Variants in SLC2A13 observed in about 807,000 individuals in gnomAD.
The protein encoded by SLC2A13 is proton myo-inositol cotransporter.
In SLC2A13, 32 loss-of-function variants were observed where a neutral mutation model predicts 64.4. The observed-to-expected ratio is 0.50, with a 90% confidence interval of 0.37 to 0.67. The LOEUF is 0.67. Ranked by LOEUF, SLC2A13 falls within the 30% of genes least tolerant of loss-of-function variation. The pLI is 0.00. For missense variants in SLC2A13, 743 were observed against 829.2 expected (o/e 0.90, Z 1.28); for synonymous variants, 338 against 327.1 (o/e 1.03, Z -0.36).
intron 7 of SLC2A13, among the ~76,000 whole-genome samples, chr12:39,807,389 C>A (rs1418840308): frequency 2.0e-5 from 3 of 152,156 alleles, no homozygotes; most frequent in African/African-American, 7.2e-5. Context: ...GAAACAATAT[C>A]AATCTCCTGG....
Position 39,992,668 on chromosome 12 carries a change from T to C in SLC2A13, c.925+35633A>G, listed in dbSNP as rs563977771. On this transcript the variant is annotated intron_variant, in intron 3 of 9. Coordinates refer to ENST00000280871, the MANE Select transcript of SLC2A13 (RefSeq NM_052885.4). ...CCCAAAAAGCTCAACAAGCTTGGAG[T>C]ACTCATATTTACTAACATATATGTT... 1.4e-3 allele frequency among the ~76,000 whole-genome samples: 212 copies of C among 152,108 alleles called. 3 individuals carry two copies. The highest frequency in any genetic ancestry group is 4.6e-4 in the Non-Finnish European group (31 of 67,996).
At chr12:40,034,140 G>T (rs1377515986) in intron 2 of SLC2A13, among the ~76,000 whole-genome samples, 2 of 152,152 alleles carry the variant, frequency 1.3e-5, no homozygotes, top group Admixed American at 1.3e-4. Flanking sequence ...ACACTACATT[G>T]TATTTTTTAA....
chr12:40,099,098 T>C (rs771131189), intron 1 of SLC2A13, among the ~76,000 whole-genome samples: 6 of 152,222 alleles, frequency 3.9e-5, no homozygotes, highest in South Asian at 4.1e-4. Context: ...CTAGAAAGCA[T>C]GTAGTACTCT....
At chr12:39,813,286 T>C (rs1942245703) in intron 7 of SLC2A13, among the ~76,000 whole-genome samples, 1 of 152,140 alleles carries the variant, frequency 6.6e-6, no homozygotes, top group Non-Finnish European at 1.5e-5. Flanking sequence ...GCATTTATTT[T>C]GACATACATC....
intron 4 of SLC2A13, among the ~76,000 whole-genome samples, chr12:39,896,416 GTATA>G (rs1340991107): frequency 6.9e-5 from 8 of 115,500 alleles, no homozygotes; most frequent in African/African-American, 2.9e-4. Flanking sequence ...ATATATGTAT[GTATA>G]TGTGTATATA....
chr12:39,895,916 G>GCACA (rs1255111957), intron 4 of SLC2A13, among the ~76,000 whole-genome samples: 30 of 148,738 alleles, frequency 2.0e-4, no homozygotes, highest in African/African-American at 7.1e-4. Context: ...GTATATGTAT[G>GCACA]CATATATGTG....
At chr12:39,883,080 A>G (rs1446604315) in intron 4 of SLC2A13, among the ~76,000 whole-genome samples, 1 of 152,156 alleles carries the variant, frequency 6.6e-6, no homozygotes, top group African/African-American at 2.4e-5. Context: ...TATAATTCAC[A>G]TACCATAAAA....
At chr12:39,909,681 T>A (rs1565537335) in intron 4 of SLC2A13, among the ~76,000 whole-genome samples, 1 of 152,090 alleles carries the variant, frequency 6.6e-6, no homozygotes. Flanking sequence ...ATCTGATTTT[T>A]AATTTCAGCC....
chr12:39,878,304 A>G (rs558612765), intron 4 of SLC2A13, among the ~76,000 whole-genome samples: 5 of 152,338 alleles, frequency 3.3e-5, no homozygotes, highest in African/African-American at 9.6e-5. Context: ...AGAGGTTGGA[A>G]GAATTTGGAG....
At chr12:39,904,936 C>T (rs1945226288) in intron 4 of SLC2A13, among the ~76,000 whole-genome samples, 3 of 152,096 alleles carry the variant, frequency 2.0e-5, no homozygotes, top group Admixed American at 1.3e-4. Flanking sequence ...ACACATAAGG[C>T]ATGCCACTTT....
At chr12:40,089,193 TTTA>T (rs1938683552) in intron 1 of SLC2A13, among the ~76,000 whole-genome samples, 1 of 152,178 alleles carries the variant, frequency 6.6e-6, no homozygotes, top group Admixed American at 6.5e-5. Context: ...ATCTCCGTAC[TTTA>T]TAAACTCTCT....
At chr12:39,957,957 A>T (rs1946345699) in intron 3 of SLC2A13, among the ~76,000 whole-genome samples, 1 of 152,178 alleles carries the variant, frequency 6.6e-6, no homozygotes, top group Admixed American at 6.5e-5. Flanking sequence ...AAGTGCTCTA[A>T]CAGAGGTACA....
chr12:39,992,821 C>T (rs925432477), intron 3 of SLC2A13, among the ~76,000 whole-genome samples: 1 of 152,066 alleles, frequency 6.6e-6, no homozygotes, highest in African/African-American at 2.4e-5. Context: ...ATTGTAGCTT[C>T]TATTTTCCAA....
intron 7 of SLC2A13, among the ~76,000 whole-genome samples, chr12:39,812,379 TTTCTTTCTTTCTC>T (rs764703104): frequency 0.085 from 11,721 of 137,090 alleles, 564 homozygotes; most frequent in Middle Eastern, 0.12. Context: ...TTTCTTTTCT[TTTCTTTCTTTCTC>T]TCTCTCTTTC....
rs74089316 is a variant in SLC2A13, at chr12:39,922,655, G to A, written c.1034+28602C>T. ...TACAATACAATGACTTTTTGTGTGTGTATGGGGGTTTTTCCTTAAGTTAGC... is the reference window on the plus strand; with the variant it reads ...TACAATACAATGACTTTTTGTGTGTATATGGGGGTTTTTCCTTAAGTTAGC... On this transcript the variant is annotated intron_variant, in intron 4 of 9. Transcript: ENST00000280871. Among the ~76,000 whole-genome samples, 818 of 152,324 alleles carry A rather than the reference G, an allele frequency of 5.4e-3. 6 individuals are homozygous for A. Among genetic ancestry groups the A allele is most frequent in the African/African-American group, 0.019 (789 of 41,578 alleles).
At chr12:39,884,932 C>A (rs1257615503) in intron 4 of SLC2A13, among the ~76,000 whole-genome samples, 1 of 152,202 alleles carries the variant, frequency 6.6e-6, no homozygotes, top group African/African-American at 2.4e-5. Flanking sequence ...GAAAGAACCA[C>A]AAAGACTGTT....
chr12:39,958,560 G>A (rs566377341), intron 3 of SLC2A13, among the ~76,000 whole-genome samples: 1 of 152,202 alleles, frequency 6.6e-6, no homozygotes, highest in East Asian at 1.9e-4. Flanking sequence ...CCACATTGCT[G>A]CCACCTGTTG....
chr12:39,974,373 C>G (rs1946725598), intron 3 of SLC2A13, among the ~76,000 whole-genome samples: 1 of 152,178 alleles, frequency 6.6e-6, no homozygotes, highest in African/African-American at 2.4e-5. Flanking sequence ...CATATCTGAC[C>G]TCAACCCATG....
Position 40,105,369 on chromosome 12 carries a change from C to A in SLC2A13, c.440G>T (p.Arg147Leu), listed in dbSNP as rs2136313362. ...ACTGGCCAGGAGGATGGCAGCGCGG[C>A]GGCCGAAGACGCCGTTGAGGGCGCC... is the stretch of plus-strand genomic sequence containing the variant. ...AGGALNGVFGRRAAILLASAL... is the reference protein window; with the variant it reads ...AGGALNGVFGLRAAILLASAL... The change falls in exon 1 of 10, where the codon CGC becomes CTC. Residue 147 changes from arginine (R) to leucine (L), a missense_variant. Arg to Leu is a moderately radical substitution (Grantham distance 102, BLOSUM62 -2). Coordinates refer to ENST00000280871, the MANE Select transcript of SLC2A13 (RefSeq NM_052885.4). The surrounding 1 kb of genome is among the most constrained non-coding windows in gnomAD (Gnocchi z 4.2). 1 of 1,574,086 alleles carries A rather than the reference C, an allele frequency of 6.4e-7. No homozygotes were observed. Among genetic ancestry groups the A allele is most frequent in the East Asian group, 2.3e-5 (1 of 42,674 alleles).
Sources: allele counts gnomAD v4.1 joint callset (sites outside exome capture counted in the v4.1 genomes callset), GRCh38; gene constraint gnomAD v4.1.1; non-coding constraint Gnocchi (gnomAD v3.1); transcripts MANE v1.5; gene names NCBI Gene and HGNC (gene_info 2026-07-23, HGNC 2026-07-21).